CLEC16A: variants seen among roughly 807,000 people sequenced by gnomAD.
CLEC16A encodes the protein C-type lectin domain containing 16A, also known as protein CLEC16A.
Under a neutral mutation model 109.5 loss-of-function variants are expected in CLEC16A, and 51 were observed. The ratio of observed to expected loss-of-function variants is 0.47; its 90% confidence interval spans 0.37 to 0.59. CLEC16A has a LOEUF of 0.59. Among genes scored for constraint, CLEC16A ranks in the 20% least tolerant of loss-of-function variants. The probability of loss-of-function intolerance (pLI) is 0.00; values close to 1 mark genes in which losing one functional copy is unlikely to be tolerated. For missense variants in CLEC16A, 1,339 were observed against 1,394.0 expected (o/e 0.96, Z 0.63); for synonymous variants, 673 against 564.2 (o/e 1.19, Z -2.73).
At chr16:10,947,591 C>T (rs1019937320) in intron 1 of CLEC16A, among the ~76,000 whole-genome samples, 1 of 152,148 alleles carries the variant, frequency 6.6e-6, no homozygotes, top group Admixed American at 6.5e-5. Flanking sequence ...GGGCTGATAG[C>T]TGTGGGAAAC....
chr16:10,979,642 C>G (rs1236776839), intron 9 of CLEC16A, among the ~76,000 whole-genome samples: 1 of 152,024 alleles, frequency 6.6e-6, no homozygotes, highest in African/African-American at 2.4e-5. Flanking sequence ...TGATTTTTAC[C>G]ATGAAGACTG....
At chr16:11,114,721 C>T (rs1197041363) in intron 19 of CLEC16A, among the ~76,000 whole-genome samples, 2 of 152,090 alleles carry the variant, frequency 1.3e-5, no homozygotes, top group African/African-American at 2.4e-5. Context: ...GTGGAGCAGC[C>T]GAGGACTGGG....
chr16:11,117,756 T>C (rs2052106667), intron 19 of CLEC16A, among the ~76,000 whole-genome samples: 1 of 152,186 alleles, frequency 6.6e-6, no homozygotes, highest in Non-Finnish European at 1.5e-5. Flanking sequence ...GGGTATATAA[T>C]TTTGCATCTG....
chr16:11,155,530 G>C (rs567645219), intron 22 of CLEC16A, among the ~76,000 whole-genome samples: 10 of 152,354 alleles, frequency 6.6e-5, no homozygotes, highest in African/African-American at 2.4e-4. Context: ...CGTCAACAGA[G>C]CCCTGTCCAC....
chr16:11,020,199 A>C lies in CLEC16A; in HGVS notation c.1310A>C (p.Glu437Ala), dbSNP rs1247956727. 3.1e-6 allele frequency: 5 copies of C among 1,610,804 alleles called. No homozygotes were observed. Among genetic ancestry groups the C allele is most frequent in the Non-Finnish European group, 1.7e-6 (2 of 1,178,010 alleles). The part of the protein sequence containing the change: ...IKTSGESEEI[E>A]MVIMERSKLS... Reference sequence around the variant, plus strand: ...TCTCCATTTTGGCTTCCAGAGATCGAGATGGTGATCATGGAGCGTAGCAAG... The same window carrying C: ...TCTCCATTTTGGCTTCCAGAGATCGCGATGGTGATCATGGAGCGTAGCAAG... The change falls in exon 12 of 24, where the codon GAG (glutamate) becomes GCG (alanine). Residue 437 changes from glutamate (E) to alanine (A), a missense_variant. This residue lies in a region of CLEC16A where 1,061 missense variants were observed against 1,006.8 expected (regional missense o/e 1.05). Coordinates refer to ENST00000409790, the MANE Select transcript of CLEC16A (RefSeq NM_015226.3).
intron 19 of CLEC16A, among the ~76,000 whole-genome samples, chr16:11,088,843 C>T (rs956889109): frequency 1.3e-5 from 2 of 152,194 alleles, no homozygotes; most frequent in Non-Finnish European, 2.9e-5. Flanking sequence ...TTAGTAATTT[C>T]GGGTTTTCCT....
At chr16:11,159,825 C>T (rs534842962) in intron 22 of CLEC16A, among the ~76,000 whole-genome samples, 7 of 152,086 alleles carry the variant, frequency 4.6e-5, no homozygotes, top group Non-Finnish European at 7.4e-5. Flanking sequence ...CTTTTATTGT[C>T]GGGTTCTTAT....
At chr16:11,026,501 C>A (rs916950781) in intron 13 of CLEC16A, among the ~76,000 whole-genome samples, 20 of 152,042 alleles carry the variant, frequency 1.3e-4, no homozygotes. Context: ...TAGTGATGTT[C>A]CCTCTCTGAT....
At chr16:10,982,822 G>T in intron 9 of CLEC16A, 56 bp from the exon 10 acceptor site, 1 of 1,010,170 alleles carries the variant, frequency 9.9e-7, no homozygotes, top group Non-Finnish European at 1.6e-6. Context: ...CAGGAAGCAA[G>T]AGGTTGAAAA....
chr16:11,165,011 C>T (rs1181016917), intron 22 of CLEC16A, among the ~76,000 whole-genome samples: 1 of 152,116 alleles, frequency 6.6e-6, no homozygotes, highest in Admixed American at 6.5e-5. Flanking sequence ...TCCCCTCTCT[C>T]AGCTGGAAGG....
At chr16:11,103,216 G>T (rs2051024369) in intron 19 of CLEC16A, among the ~76,000 whole-genome samples, 1 of 152,242 alleles carries the variant, frequency 6.6e-6, no homozygotes, top group African/African-American at 2.4e-5. Flanking sequence ...AGTCCCCCCA[G>T]AGAGGCCCAG....
At chr16:11,142,541 CTT>C (rs1415773276) in intron 22 of CLEC16A, among the ~76,000 whole-genome samples, 1 of 152,236 alleles carries the variant, frequency 6.6e-6, no homozygotes, top group Non-Finnish European at 1.5e-5. Context: ...AGCTAGAACT[CTT>C]TTAAAAATCA....
intron 19 of CLEC16A, among the ~76,000 whole-genome samples, chr16:11,099,007 C>G (rs920242895): frequency 6.6e-6 from 1 of 152,228 alleles, no homozygotes; most frequent in African/African-American, 2.4e-5. Flanking sequence ...CTCTGTGACA[C>G]GGAGAGACAG....
At chr16:10,993,343 C>T (rs1332623800) in intron 10 of CLEC16A, among the ~76,000 whole-genome samples, 2 of 152,152 alleles carry the variant, frequency 1.3e-5, no homozygotes, top group Non-Finnish European at 2.9e-5. Context: ...CACACCACTG[C>T]ACTCCAGCCT....
chr16:11,162,523 C>T (rs977012611), intron 22 of CLEC16A, among the ~76,000 whole-genome samples: 3 of 152,240 alleles, frequency 2.0e-5, no homozygotes, highest in African/African-American at 7.2e-5. Context: ...TGCAGTACAA[C>T]TACCTGCTTC....
Position 11,123,795 on chromosome 16 carries a change from C to G in CLEC16A, c.2322C>G (p.Ile774Met), listed in dbSNP as rs770217518. ...ACAGCCGTGCCCTGAACATCACCAT[C>G]CACAAGCCTGCGTCCAGCCCCCATT... Reference protein sequence around the residue: ...EDDSRALNITIHKPASSPHSK... With the variant: ...EDDSRALNITMHKPASSPHSK... The change falls in exon 21 of 24, where the codon ATC becomes ATG. Residue 774 changes from isoleucine (I) to methionine (M), a missense_variant. Transcript: ENST00000409790. The G allele has an allele frequency of 3.7e-6, 6 of 1,613,968 alleles. No individual in the cohort carries two copies. The Admixed American group carries it at 5.0e-5, about 13-fold the overall frequency.
chr16:11,174,585 T>C lies in CLEC16A; in HGVS notation c.2807-3750T>C, dbSNP rs1464130251. On this transcript the variant is annotated intron_variant, in intron 23 of 23. Transcript: ENST00000409790. This position sits in a 1 kb window ranked among gnomAD's most constrained non-coding sequence, Gnocchi z 4.7. ...TCCTTCTCTGTGACATGTGCACCAG[T>C]GTCAGGCTCGGCCCGGGCCAGAAGC... Among the ~76,000 whole-genome samples, 2 of 152,212 alleles carry C rather than the reference T, an allele frequency of 1.3e-5. No individual in the cohort carries two copies. The highest frequency in any genetic ancestry group is 2.9e-5 in the Non-Finnish European group (2 of 68,034).
chr16:11,052,590 C>G (rs939503709), intron 18 of CLEC16A, among the ~76,000 whole-genome samples: 2 of 152,168 alleles, frequency 1.3e-5, no homozygotes, highest in African/African-American at 4.8e-5. Flanking sequence ...CACCGCAGGA[C>G]CCACCCTGTC....
intron 19 of CLEC16A, among the ~76,000 whole-genome samples, chr16:11,085,287 T>A (rs1484266421): frequency 6.6e-6 from 1 of 152,230 alleles, no homozygotes; most frequent in Non-Finnish European, 1.5e-5. Flanking sequence ...CAGGCCTTAA[T>A]TGGATGGTCA....
Sources: gnomAD v4.1 joint callset for allele counts (sites outside exome capture counted in the v4.1 genomes callset) on GRCh38, gnomAD v4.1.1 for gene constraint, gnomAD v4.1.1 regional missense constraint, Gnocchi (gnomAD v3.1) non-coding constraint, MANE v1.5 for transcripts, NCBI Gene and HGNC (gene_info 2026-07-23, HGNC 2026-07-21) for gene names.